COL14A1: variants seen among roughly 807,000 people sequenced by gnomAD.
COL14A1 encodes collagen type XIV alpha 1 chain, also known as collagen alpha-1(XIV) chain.
COL14A1 carries 136 observed loss-of-function variants against 230.3 expected under a neutral mutation model. The observed-to-expected ratio is 0.59, with a 90% CI of 0.51 to 0.68. The LOEUF (loss-of-function observed/expected upper bound fraction) is 0.68. COL14A1 is among the 30% of genes least tolerant of loss of function. The probability of loss-of-function intolerance (pLI) is 0.00; values close to 1 mark genes in which losing one functional copy is unlikely to be tolerated. For synonymous variants in COL14A1, 792 were observed against 784.1 expected (o/e 1.01, Z -0.17); for missense variants, 1,976 against 2,215.8 (o/e 0.89, Z 2.17).
intron 5 of COL14A1, among the ~76,000 whole-genome samples, chr8:120,186,690 G>A (rs1382758559): frequency 6.6e-6 from 1 of 152,212 alleles, no homozygotes; most frequent in Non-Finnish European, 1.5e-5. Context: ...GGCAGGAGGA[G>A]AGAACACATT....
chr8:120,209,431 A>C (rs1817551950), intron 11 of COL14A1, among the ~76,000 whole-genome samples: 1 of 152,138 alleles, frequency 6.6e-6, no homozygotes, highest in Non-Finnish European at 1.5e-5. Flanking sequence ...ATCCAAGGAC[A>C]TGCAAACAGA....
In COL14A1 at chr8:120,255,477, G is replaced by A. The variant is rs569848404; in HGVS notation, c.2869+121G>A. On this transcript the variant is annotated intron_variant, in intron 23 of 47. Transcript: ENST00000297848. Reference sequence around the variant, plus strand: ...AGCCCTCTTGTCAAGGAAGCAATTTGTATTGGTCAGTCATGCTGCATATGG... The same window carrying A: ...AGCCCTCTTGTCAAGGAAGCAATTTATATTGGTCAGTCATGCTGCATATGG... The A allele has an allele frequency of 2.2e-3, 1,721 of 771,850 alleles. 5 individuals carry two copies. The highest frequency in any genetic ancestry group is 3.1e-3 in the Non-Finnish European group (1,363 of 442,606). The allele number at this position is 771,850 out of a possible 1,614,324, so 47.8% of individuals were successfully genotyped here.
chr8:120,227,808 C>T (rs924733225), intron 17 of COL14A1, among the ~76,000 whole-genome samples: 6 of 152,160 alleles, frequency 3.9e-5, no homozygotes, highest in Non-Finnish European at 7.3e-5. Flanking sequence ...AATTTACTTG[C>T]TGATTCATTC....
At position 120,300,759 on chromosome 8, in the gene COL14A1, C is replaced by A. The variant is rs1320627085; in HGVS notation, c.4342C>A (p.Pro1448Thr). 1 of 1,613,612 alleles carries A rather than the reference C, an allele frequency of 6.2e-7. No homozygotes were observed. The highest frequency in any genetic ancestry group is 1.7e-5 in the Admixed American group (1 of 59,984). The change falls in exon 36 of 48, where the codon CCC (proline) becomes ACC (threonine). Residue 1448 changes from proline (P) to threonine (T), a missense_variant. By Grantham distance (38) the Pro-to-Thr change is conservative (BLOSUM62 -1). This residue lies in a region of COL14A1 where 1,791 missense variants were observed against 2,019.5 expected (regional missense o/e 0.89). Coordinates refer to ENST00000297848, the MANE Select transcript of COL14A1 (RefSeq NM_021110.4). ...LRDDESCPDL[P>T]HSCSCSETNE... ...AGATGATGAGTCTTGCCCAGACCTT[C>A]CCCATTCCTGCTCCTGTTCTGAAAC...
intron 36 of COL14A1, among the ~76,000 whole-genome samples, chr8:120,302,063 C>T (rs1820729870): frequency 6.6e-6 from 1 of 151,984 alleles, no homozygotes; most frequent in Non-Finnish European, 1.5e-5. Flanking sequence ...GTCCTTTGCT[C>T]TCTTTTTAAT....
intron 40 of COL14A1, among the ~76,000 whole-genome samples, chr8:120,320,001 A>G (rs1486066562): frequency 6.6e-6 from 1 of 152,042 alleles, no homozygotes; most frequent in East Asian, 1.9e-4. Context: ...GGTATCTGTG[A>G]CTTCAGGACC....
intron 45 of COL14A1, among the ~76,000 whole-genome samples, chr8:120,357,239 C>T (rs976051167): frequency 2.0e-5 from 3 of 152,146 alleles, no homozygotes; most frequent in Non-Finnish European, 2.9e-5. Flanking sequence ...TCTGAAGGCT[C>T]GACTGGAGCT....
chr8:120,361,581 T>C (rs764667784), intron 45 of COL14A1, among the ~76,000 whole-genome samples: 1 of 152,228 alleles, frequency 6.6e-6, no homozygotes, highest in Non-Finnish European at 1.5e-5. Context: ...AGACTGTACT[T>C]GCAATCCATC....
intron 40 of COL14A1, among the ~76,000 whole-genome samples, chr8:120,328,629 G>A (rs937119555): frequency 6.6e-6 from 1 of 152,172 alleles, no homozygotes; most frequent in Non-Finnish European, 1.5e-5. Context: ...CAGATGATAT[G>A]CACATGATGT....
intron 40 of COL14A1, among the ~76,000 whole-genome samples, chr8:120,319,891 T>C (rs546599916): frequency 3.0e-4 from 45 of 152,210 alleles, no homozygotes; most frequent in Non-Finnish European, 5.3e-4. Flanking sequence ...AGGCATTCAG[T>C]TTTCATTCCA....
At chr8:120,308,819 C>G (rs568949603) in intron 36 of COL14A1, among the ~76,000 whole-genome samples, 1 of 152,318 alleles carries the variant, frequency 6.6e-6, no homozygotes, top group East Asian at 1.9e-4. Context: ...ATTTTTCAAT[C>G]CTTCTGCTCA....
At chr8:120,333,979 T>C (rs1821960764) in intron 42 of COL14A1, among the ~76,000 whole-genome samples, 1 of 152,196 alleles carries the variant, frequency 6.6e-6, no homozygotes, top group Non-Finnish European at 1.5e-5. Context: ...CTTAACTAAG[T>C]CACATTTGCA....
intron 5 of COL14A1, among the ~76,000 whole-genome samples, chr8:120,190,535 G>A (rs1009795006): frequency 2.6e-4 from 40 of 152,168 alleles, no homozygotes; most frequent in African/African-American, 9.4e-4. Context: ...ATTGCTTTTG[G>A]TGTTTTAGAC....
chr8:120,349,337 C>T (rs1183396150), intron 45 of COL14A1, among the ~76,000 whole-genome samples: 2 of 150,680 alleles, frequency 1.3e-5, no homozygotes, highest in Non-Finnish European at 2.9e-5. Context: ...GCCTCTCCTC[C>T]TCCAAGGGAA....
In COL14A1 at chr8:120,301,892, G is replaced by A. The variant is rs180720530; in HGVS notation, c.4401+1074G>A. ...TTATTTCTTTATGTTTTAATAATAG[G>A]CATTCTGACTGCTGTGAGATGGTAT... On this transcript the variant is annotated intron_variant, in intron 36 of 47. Transcript: ENST00000297848. 5.0e-3 allele frequency among the ~76,000 whole-genome samples: 766 copies of A among 151,960 alleles called. 2 individuals carry two copies. The highest frequency in any genetic ancestry group is 8.4e-3 in the Non-Finnish European group (572 of 67,932).
chr8:120,140,030 A>C (rs181098478), intron 1 of COL14A1, among the ~76,000 whole-genome samples: 1 of 152,040 alleles, frequency 6.6e-6, no homozygotes, highest in Admixed American at 6.6e-5. Flanking sequence ...CCTAAAAAAA[A>C]CCCAAATCAA....
Position 120,285,876 on chromosome 8 carries a change from T to G in COL14A1, c.3983T>G (p.Leu1328Arg), listed in dbSNP as rs1424592997. 6.3e-7 allele frequency: 1 copy of G among 1,599,646 alleles called. No homozygotes were observed. The highest frequency in any genetic ancestry group is 1.1e-5 in the South Asian group (1 of 89,050). ...GVILDNGGKT[L>R]TYFNYDQSGD... ...CTTTCAATAGATGGTGGGAAAACTC[T>G]AACATATTTCAACTATGACCAGAGT... Residue 1328 changes from leucine to arginine, a missense_variant, in exon 33 of 48, where the codon CTA (leucine) becomes CGA (arginine). Physicochemically the swap from Leu to Arg is moderately radical, Grantham distance 102. This residue lies in a region of COL14A1 where 1,791 missense variants were observed against 2,019.5 expected (regional missense o/e 0.89). Coordinates refer to ENST00000297848, the MANE Select transcript of COL14A1 (RefSeq NM_021110.4).
intron 47 of COL14A1, 72 bp from the exon 48 acceptor site, chr8:120,371,080 C>A (rs1391693072): frequency 3.0e-6 from 4 of 1,313,520 alleles, no homozygotes; most frequent in Non-Finnish European, 4.2e-6. Context: ...CTCTAAGGAC[C>A]CAGGTGAGGG....
chr8:120,306,652 G>A (rs1820866538), intron 36 of COL14A1, among the ~76,000 whole-genome samples: 1 of 152,126 alleles, frequency 6.6e-6, no homozygotes, highest in African/African-American at 2.4e-5. Context: ...AAAAATGAGT[G>A]TTTTCGTCAA....
Sources: allele counts gnomAD v4.1 joint callset (sites outside exome capture counted in the v4.1 genomes callset), GRCh38; gene constraint gnomAD v4.1.1; regional missense constraint gnomAD v4.1.1; transcripts MANE v1.5; gene names NCBI Gene and HGNC (gene_info 2026-07-23, HGNC 2026-07-21).